INSL6: variants seen among roughly 807,000 people sequenced by gnomAD.
INSL6 encodes insulin like 6.
Under a neutral mutation model 9.4 loss-of-function variants are expected in INSL6, and 16 were observed. The observed-to-expected ratio is 1.70, with a 90% CI of 1.15 to 2.59. INSL6 has a LOEUF of 2.59. Among genes scored for constraint, INSL6 ranks in the 30% most tolerant of loss-of-function variants. The pLI is 0.00. For missense variants in INSL6, 391 were observed against 257.3 expected, an observed-to-expected ratio of 1.52 and a Z score of -3.56; for synonymous variants, 154 against 96.9, an observed-to-expected ratio of 1.59 and a Z score of -3.46.
the INSL6 span, chr9:5,108,007 A>T: frequency 1.2e-4 from 18 of 152,228 alleles, no homozygotes; most frequent in East Asian, 2.5e-3. Context: ...TAACATGACC[A>T]TCCACAGCCT....
chr9:5,004,610 A>G, the INSL6 span, among the ~76,000 whole-genome samples: 5 of 151,272 alleles, frequency 3.3e-5, no homozygotes, highest in African/African-American at 9.7e-5. Flanking sequence ...GAGTGTAGAT[A>G]TTGCTTTGAC....
At chr9:5,143,140 C>G (rs1824535142) in intron 2 of INSL6, among the ~76,000 whole-genome samples, 1 of 151,912 alleles carries the variant, frequency 6.6e-6, no homozygotes, top group African/African-American at 2.4e-5. Flanking sequence ...AGGATATAGG[C>G]TTGAAGTTTT....
At chr9:5,106,239 A>C in the INSL6 span, among the ~76,000 whole-genome samples, 1 of 152,234 alleles carries the variant, frequency 6.6e-6, no homozygotes. Flanking sequence ...TGGGCAAAGG[A>C]TATGAACAGA....
At chr9:5,171,417 C>T (rs930173526) in intron 1 of INSL6, among the ~76,000 whole-genome samples, 5 of 152,156 alleles carry the variant, frequency 3.3e-5, no homozygotes, top group Non-Finnish European at 5.9e-5. Flanking sequence ...CCCTTGAAAA[C>T]TGGCCCAAGT....
the INSL6 span, among the ~76,000 whole-genome samples, chr9:5,026,240 A>C: frequency 1.3e-5 from 2 of 152,174 alleles, no homozygotes; most frequent in Non-Finnish European, 2.9e-5. Context: ...GTTGTATTCC[A>C]CAATTTTTAG....
chr9:5,052,216 A>G, the INSL6 span, among the ~76,000 whole-genome samples: 4 of 152,106 alleles, frequency 2.6e-5, no homozygotes, highest in Admixed American at 1.3e-4. Flanking sequence ...CTGTCATCCA[A>G]AGTCTTGGCA....
chr9:5,167,706 A>T (rs1281690446), intron 1 of INSL6, among the ~76,000 whole-genome samples: 1 of 152,110 alleles, frequency 6.6e-6, no homozygotes, highest in Non-Finnish European at 1.5e-5. Context: ...GGAGAGGGAG[A>T]TTTCTGCCAG....
chr9:5,106,201 A>T, the INSL6 span, among the ~76,000 whole-genome samples: 4 of 152,354 alleles, frequency 2.6e-5, no homozygotes, highest in South Asian at 6.2e-4. Flanking sequence ...AAAGAAATTT[A>T]CAAGAAAAAA....
At chr9:5,004,804 C>A in the INSL6 span, among the ~76,000 whole-genome samples, 2 of 151,900 alleles carry the variant, frequency 1.3e-5, no homozygotes, top group Non-Finnish European at 2.9e-5. Context: ...ATCCTTATAT[C>A]TTTTTGATAA....
At chr9:5,141,227 G>A (rs1564037751) in intron 2 of INSL6, among the ~76,000 whole-genome samples, 1 of 152,098 alleles carries the variant, frequency 6.6e-6, no homozygotes, top group Non-Finnish European at 1.5e-5. Flanking sequence ...ACCCAGTAAT[G>A]GAATTGCTGG....
At chr9:5,095,479 A>G in the INSL6 span, among the ~76,000 whole-genome samples, 2 of 151,992 alleles carry the variant, frequency 1.3e-5, no homozygotes, top group African/African-American at 4.8e-5. Flanking sequence ...CGGGCAATGG[A>G]CAATAATAAA....
chr9:4,995,646 C>A, the INSL6 span, among the ~76,000 whole-genome samples: 1 of 152,096 alleles, frequency 6.6e-6, no homozygotes, highest in South Asian at 2.1e-4. Flanking sequence ...GTGAACATTT[C>A]TATTTATTTG....
the INSL6 span, among the ~76,000 whole-genome samples, chr9:5,107,275 C>G: frequency 6.6e-6 from 1 of 152,068 alleles, no homozygotes; most frequent in African/African-American, 2.4e-5. Context: ...CCTACTACTA[C>G]TACTAATTAC....
downstream of INSL6, among the ~76,000 whole-genome samples, chr9:5,120,301 G>T (rs1185220220): frequency 1.3e-5 from 2 of 152,190 alleles, no homozygotes; most frequent in African/African-American, 4.8e-5. Context: ...TCTCTTAAAG[G>T]CCCCACCTGT....
At chr9:4,996,486 A>G in the INSL6 span, among the ~76,000 whole-genome samples, 1 of 152,024 alleles carries the variant, frequency 6.6e-6, no homozygotes, top group Non-Finnish European at 1.5e-5. Flanking sequence ...ATAAATACAT[A>G]AATAGAAGTA....
the INSL6 span, chr9:5,041,128 C>A: frequency 1.1e-6 from 1 of 945,802 alleles, no homozygotes; most frequent in East Asian, 2.5e-5. Flanking sequence ...AGACGGTGCT[C>A]CTGATCGCCA....
intron 3 of INSL6, among the ~76,000 whole-genome samples, chr9:5,130,698 TTTC>T (rs901469647): frequency 2.0e-4 from 30 of 151,610 alleles, no homozygotes; most frequent in African/African-American, 7.0e-4. Context: ...GAGTATGAAT[TTTC>T]TTTTTTTTAT....
the INSL6 span, among the ~76,000 whole-genome samples, chr9:4,999,277 T>C: frequency 6.6e-6 from 1 of 152,222 alleles, no homozygotes; most frequent in East Asian, 1.9e-4. Context: ...TCATCTTAGA[T>C]TTCTTGTTTC....
At chr9:5,002,388 G>A in the INSL6 span, among the ~76,000 whole-genome samples, 8 of 151,616 alleles carry the variant, frequency 5.3e-5, no homozygotes, top group African/African-American at 9.7e-5. Flanking sequence ...TTTCTTCTTC[G>A]AACCTGGGAT....
Sources: gnomAD v4.1 joint callset for allele counts (sites outside exome capture counted in the v4.1 genomes callset) on GRCh38, gnomAD v4.1.1 for gene constraint, MANE v1.5 for transcripts, NCBI Gene and HGNC (gene_info 2026-07-23, HGNC 2026-07-21) for gene names.